The following PPP1R13B variants were observed in gnomAD, a reference collection of about 807,000 sequenced individuals.
PPP1R13B encodes the protein protein phosphatase 1 regulatory subunit 13B, also known as apoptosis-stimulating of p53 protein 1.
In PPP1R13B, 44 loss-of-function variants were observed where a neutral mutation model predicts 119.8. The ratio of observed to expected loss-of-function variants is 0.37; its 90% CI spans 0.29 to 0.47. PPP1R13B has a LOEUF of 0.47. Among genes scored for constraint, PPP1R13B ranks in the 20% least tolerant of loss-of-function variants. PPP1R13B has a pLI of 0.99. For missense variants in PPP1R13B, 1,227 were observed against 1,413.5 expected (o/e 0.87, Z 2.12); for synonymous variants, 542 against 561.5 (o/e 0.97, Z 0.49).
rs370267396 is a variant in PPP1R13B at position 103,740,026 on chromosome 14, G to A, written c.2390C>T (p.Pro797Leu). ...PSSDANDNEL[P>L]SPEPEELICP... ...GATGAGCTCCTCTGGTTCGGGGGAAGGTAACTCATTATCATTGGCATCTGA... is the reference window on the plus strand; with the variant it reads ...GATGAGCTCCTCTGGTTCGGGGGAAAGTAACTCATTATCATTGGCATCTGA... The change falls in exon 12 of 17, where the codon CCT becomes CTT. Residue 797 changes from proline (P) to leucine (L), a missense_variant. Transcript: ENST00000202556. The surrounding 1 kb of genome is among the most constrained non-coding windows in gnomAD (Gnocchi z 4.6). 2.7e-5 allele frequency: 44 copies of A among 1,613,928 alleles called. No homozygotes were observed. The highest frequency in any genetic ancestry group is 3.3e-5 in the Non-Finnish European group (39 of 1,179,954).
At chr14:103,800,191 C>T (rs1300805339) in intron 1 of PPP1R13B, among the ~76,000 whole-genome samples, 2 of 152,164 alleles carry the variant, frequency 1.3e-5, no homozygotes, top group East Asian at 1.9e-4. Context: ...AATGGTGGCT[C>T]ATGACAGTGG....
intron 1 of PPP1R13B, among the ~76,000 whole-genome samples, chr14:103,844,221 C>T (rs924978030): frequency 6.6e-6 from 1 of 151,206 alleles, no homozygotes; most frequent in Non-Finnish European, 1.5e-5. Context: ...AAGCTGAGAT[C>T]GTATCATTGC....
chr14:103,847,162 G>A, intron 1 of PPP1R13B, 137 bp downstream of exon 1: 2 of 990,440 alleles, frequency 2.0e-6, no homozygotes, highest in Non-Finnish European at 1.2e-6. Context: ...GCGGCCGGGC[G>A]CGCCCGCCCA....
In PPP1R13B at chr14:103,738,564, G is replaced by T; in HGVS notation, c.2864+115C>A. ...CTGTCTTTCAAGGATGAAATGATGG[G>T]TGTTCTTGCTCTAATTCTCTCTTCC... is the stretch of plus-strand genomic sequence containing the variant. On this transcript the variant is annotated intron_variant, in intron 14 of 16. Coordinates refer to ENST00000202556, the MANE Select transcript of PPP1R13B (RefSeq NM_015316.3). This position sits in a 1 kb window ranked among gnomAD's most constrained non-coding sequence, Gnocchi z 5.6. The T allele has an allele frequency of 6.9e-7, 1 of 1,455,448 alleles. No individual in the cohort carries two copies. The highest frequency in any genetic ancestry group is 9.4e-7 in the Non-Finnish European group (1 of 1,068,992). The allele number at this position is 1,455,448 out of a possible 1,614,324, so 90.2% of individuals were successfully genotyped here. A position where few individuals can be genotyped will look rare whatever the true frequency, so the allele number is the denominator to read the frequency against.
intron 4 of PPP1R13B, among the ~76,000 whole-genome samples, chr14:103,770,953 T>C (rs939925975): frequency 6.6e-6 from 1 of 152,092 alleles, no homozygotes; most frequent in Non-Finnish European, 1.5e-5. Flanking sequence ...AAGTCTGGCA[T>C]TAGGAGGTAA....
chr14:103,768,938 A>C (rs1244603577), intron 4 of PPP1R13B, among the ~76,000 whole-genome samples: 1 of 152,208 alleles, frequency 6.6e-6, no homozygotes, highest in Non-Finnish European at 1.5e-5. Context: ...TTTCACAATA[A>C]AGAATAGAAA....
intron 1 of PPP1R13B, among the ~76,000 whole-genome samples, chr14:103,805,828 A>C (rs4906376): frequency 0.29 from 44,197 of 152,056 alleles, 6,923 homozygotes; most frequent in Non-Finnish European, 0.34. Context: ...AAACAGTCAA[A>C]TCCATAGAGA....
chr14:103,796,337 G>A (rs1213828019), intron 2 of PPP1R13B, among the ~76,000 whole-genome samples: 1 of 151,996 alleles, frequency 6.6e-6, no homozygotes, highest in African/African-American at 2.4e-5. Flanking sequence ...TTTCTCCAGA[G>A]AAGATATAAA....
At chr14:103,848,415 G>A (rs369360502), upstream of PPP1R13B, 33 of 985,482 alleles carry the variant, frequency 3.3e-5, no homozygotes, top group South Asian at 9.4e-4. Context: ...CAGAGCCCTG[G>A]GCAGGGCCCT....
intron 3 of PPP1R13B, among the ~76,000 whole-genome samples, chr14:103,784,374 A>C (rs1237652632): frequency 6.6e-6 from 1 of 151,938 alleles, no homozygotes; most frequent in African/African-American, 2.4e-5. Flanking sequence ...CTTGAGGTCA[A>C]GAGTTCGAGA....
intron 2 of PPP1R13B, among the ~76,000 whole-genome samples, chr14:103,790,002 T>C (rs2085576388): frequency 6.6e-6 from 1 of 151,936 alleles, no homozygotes; most frequent in African/African-American, 2.4e-5. Context: ...TCCCAGCACT[T>C]TGGGAGGCCG....
At chr14:103,808,916 T>C (rs1388736908) in intron 1 of PPP1R13B, among the ~76,000 whole-genome samples, 2 of 152,158 alleles carry the variant, frequency 1.3e-5, no homozygotes, top group Non-Finnish European at 2.9e-5. Context: ...CTGCCCAGGC[T>C]GAGCGCAGCA....
chr14:103,765,098 G>A (rs139011204), intron 4 of PPP1R13B, among the ~76,000 whole-genome samples: 1,841 of 152,318 alleles, frequency 0.012, 36 homozygotes, highest in African/African-American at 0.041. Flanking sequence ...GATTATAGGC[G>A]TGAGCCACTG....
At chr14:103,768,226 C>T (rs2084982013) in intron 4 of PPP1R13B, among the ~76,000 whole-genome samples, 1 of 151,876 alleles carries the variant, frequency 6.6e-6, no homozygotes, top group Non-Finnish European at 1.5e-5. Flanking sequence ...AGTGATTCTC[C>T]TGCCTCAGCC....
At chr14:103,814,289 C>A (rs185216918) in intron 1 of PPP1R13B, among the ~76,000 whole-genome samples, 1 of 152,166 alleles carries the variant, frequency 6.6e-6, no homozygotes, top group African/African-American at 2.4e-5. Context: ...GCCGAGCTTG[C>A]AGTGAGCCGA....
intron 2 of PPP1R13B, among the ~76,000 whole-genome samples, chr14:103,785,845 T>C (rs756563151): frequency 4.0e-5 from 6 of 151,850 alleles, no homozygotes; most frequent in Non-Finnish European, 7.4e-5. Flanking sequence ...AAACATAAAT[T>C]GACCAGGCCA....
chr14:103,740,371 G>A lies in PPP1R13B; in HGVS notation c.2045C>T (p.Pro682Leu), dbSNP rs779944528. Residue 682 changes from proline (P) to leucine (L), a missense_variant, in exon 12 of 17, where the codon CCA becomes CTA. Physicochemically the swap from Pro to Leu is moderately conservative, Grantham distance 98. Coordinates refer to ENST00000202556, the MANE Select transcript of PPP1R13B (RefSeq NM_015316.3). The surrounding 1 kb of genome is among the most constrained non-coding windows in gnomAD (Gnocchi z 4.6). ...GTCTGCATCACTCTGGTAGCGCAGT[G>A]GCGAATGCACGATGGGCGTGAGCTT... ...PTKLTPIVHS[P>L]LRYQSDADLE... 2 of 1,567,180 alleles carry A rather than the reference G, an allele frequency of 1.3e-6. No homozygotes were observed. The highest frequency in any genetic ancestry group is 3.6e-5 in the Admixed American group (2 of 55,282).
At chr14:103,750,830 C>CA (rs1370533419) in intron 7 of PPP1R13B, among the ~76,000 whole-genome samples, 2 of 144,282 alleles carry the variant, frequency 1.4e-5, no homozygotes, top group African/African-American at 5.2e-5. Context: ...GACTCTGTCT[C>CA]AAAAAACAAA....
chr14:103,816,820 A>G (rs1207486113), intron 1 of PPP1R13B, among the ~76,000 whole-genome samples: 2 of 152,172 alleles, frequency 1.3e-5, no homozygotes, highest in South Asian at 4.1e-4. Flanking sequence ...CAACAAAGAT[A>G]ATTAGAAAAA....
Sources: allele counts gnomAD v4.1 joint callset (sites outside exome capture counted in the v4.1 genomes callset), GRCh38; gene constraint gnomAD v4.1.1; non-coding constraint Gnocchi (gnomAD v3.1); transcripts MANE v1.5; gene names NCBI Gene and HGNC (gene_info 2026-07-23, HGNC 2026-07-21).